Variants in CLPB observed in about 807,000 individuals in gnomAD.
CLPB encodes the protein ClpB family mitochondrial disaggregase, also known as mitochondrial disaggregase.
Under a neutral mutation model 78.4 loss-of-function variants are expected in CLPB, and 40 were observed. The ratio of observed to expected loss-of-function variants is 0.51; its 90% CI spans 0.40 to 0.66. The LOEUF is 0.66. CLPB is among the 30% of genes least tolerant of loss of function. The probability of loss-of-function intolerance (pLI) is 0.00; values close to 1 mark genes in which losing one functional copy is unlikely to be tolerated. For synonymous variants in CLPB, 333 were observed against 348.0 expected, an observed-to-expected ratio of 0.96 and a Z score of 0.48; for missense variants, 780 against 886.9, an observed-to-expected ratio of 0.88 and a Z score of 1.53.
At chr11:72,365,443 A>G (rs1212308621) in intron 4 of CLPB, among the ~76,000 whole-genome samples, 1 of 152,250 alleles carries the variant, frequency 6.6e-6, no homozygotes, top group Non-Finnish European at 1.5e-5. Context: ...AGAGTGACTG[A>G]TAATGAATAC....
At chr11:72,367,186 T>C (rs1431903649) in intron 4 of CLPB, among the ~76,000 whole-genome samples, 1 of 152,172 alleles carries the variant, frequency 6.6e-6, no homozygotes, top group Non-Finnish European at 1.5e-5. Flanking sequence ...TTTTTTGAGA[T>C]GGAGTCTCTC....
At chr11:72,304,076 A>G (rs903781232) in intron 9 of CLPB, 5 of 152,214 alleles carry the variant, frequency 3.3e-5, no homozygotes, top group Admixed American at 2.0e-4. Context: ...TCTCGTGCTT[A>G]CTTATGTCAA....
rs150711195 is a variant in CLPB at position 72,416,191 on chromosome 11, T to C, written c.456-13139A>G. ...ACTGTTTTCTACTACTAATTACAAA[T>C]TGTCTTTACTTACATTACTCCAACT... On this transcript the variant is annotated intron_variant, in intron 2 of 15. Coordinates refer to ENST00000538039, the MANE Select transcript of CLPB (RefSeq NM_001258392.3). Among the ~76,000 whole-genome samples the C allele has an allele frequency of 5.3e-5, 8 of 152,286 alleles. No individual in the cohort carries two copies. In the East Asian group the frequency reaches 1.4e-3, roughly 26 times the overall value.
In CLPB at chr11:72,329,799, T is replaced by C; in HGVS notation, c.781A>G (p.Asn261Asp). 1 of 1,613,116 alleles carries C rather than the reference T, an allele frequency of 6.2e-7. No individual in the cohort carries two copies. Among genetic ancestry groups the C allele is most frequent in the Non-Finnish European group, 8.5e-7 (1 of 1,179,284 alleles). ...TVKELLDGGANPLQRNEMGHT... is the reference protein window; with the variant it reads ...TVKELLDGGADPLQRNEMGHT... ...CCCATTTCATTCCTCTGCAGGGGGT[T>C]GGCTCCTGGCAAGAGAAGAAGGATA... Residue 261 changes from asparagine to aspartate, a missense_variant, in exon 6 of 16, where the codon AAC becomes GAC. Coordinates refer to ENST00000538039, the MANE Select transcript of CLPB (RefSeq NM_001258392.3).
intron 2 of CLPB, among the ~76,000 whole-genome samples, chr11:72,407,762 T>C (rs1855751748): frequency 6.6e-6 from 1 of 151,908 alleles, no homozygotes; most frequent in African/African-American, 2.4e-5. Flanking sequence ...TTCTCCTGCC[T>C]CAGCCTCCCA....
At position 72,292,929 on chromosome 11, in the gene CLPB, C is replaced by A. The variant is rs1949476136; in HGVS notation, c.*438G>T. The stretch of plus-strand genomic sequence containing the variant: ...ACTCCCAGTGGAGCCATTCTGGGGA[C>A]TGAGTTGCATGAGGACTAGCAGAGG... On this transcript the variant is annotated 3_prime_UTR_variant, in exon 16 of 16. Transcript: ENST00000538039. The A allele has an allele frequency of 6.2e-6, 1 of 161,110 alleles. No homozygotes were observed. 10.0% of individuals were successfully genotyped at this position (161,110 alleles called of 1,614,324 possible).
intron 5 of CLPB, chr11:72,354,436 T>A (rs2135596987): frequency 2.5e-6 from 1 of 398,322 alleles, no homozygotes; most frequent in East Asian, 3.6e-5. Flanking sequence ...TTTAGGAAGA[T>A]GGATCTGCCG....
At chr11:72,366,031 C>T (rs1222695655) in intron 4 of CLPB, among the ~76,000 whole-genome samples, 1 of 152,154 alleles carries the variant, frequency 6.6e-6, no homozygotes, top group Non-Finnish European at 1.5e-5. Context: ...TCAAAAGCAA[C>T]TATGACAAAA....
At chr11:72,373,482 G>A (rs1462294405) in intron 4 of CLPB, among the ~76,000 whole-genome samples, 1 of 152,176 alleles carries the variant, frequency 6.6e-6, no homozygotes, top group Non-Finnish European at 1.5e-5. Flanking sequence ...TCAAGGCACT[G>A]AATGGAATGT....
At chr11:72,302,904 T>C (rs1213859352) in intron 9 of CLPB, 1 of 153,714 alleles carries the variant, frequency 6.5e-6, no homozygotes, top group East Asian at 1.9e-4. Flanking sequence ...TTCTTCAAAA[T>C]GAATATATTT....
At chr11:72,428,992 G>A (rs1199138030) in intron 2 of CLPB, 2 of 152,268 alleles carry the variant, frequency 1.3e-5, no homozygotes, top group African/African-American at 4.8e-5. Context: ...AAAGGGGAAA[G>A]TCGCAGCCCG....
At chr11:72,379,165 G>A (rs889606040) in intron 4 of CLPB, among the ~76,000 whole-genome samples, 2 of 152,204 alleles carry the variant, frequency 1.3e-5, no homozygotes, top group Admixed American at 6.5e-5. Context: ...CGTCAGTCTG[G>A]CAGCCTTACA....
At chr11:72,367,312 T>A (rs1252319432) in intron 4 of CLPB, among the ~76,000 whole-genome samples, 1 of 152,126 alleles carries the variant, frequency 6.6e-6, no homozygotes, top group African/African-American at 2.4e-5. Context: ...TACAGGCGCG[T>A]GCCACCACAC....
chr11:72,293,741 G>T, intron 15 of CLPB, 126 bp from the exon 16 acceptor site: 1 of 1,183,458 alleles, frequency 8.4e-7, no homozygotes. Context: ...TTTCTCATTT[G>T]CCAATTGGGG....
At chr11:72,423,152 T>A (rs189497454) in intron 2 of CLPB, among the ~76,000 whole-genome samples, 9 of 152,270 alleles carry the variant, frequency 5.9e-5, no homozygotes, top group South Asian at 4.1e-4. Flanking sequence ...ATCTCCTAAA[T>A]GATAATTTAA....
intron 3 of CLPB, among the ~76,000 whole-genome samples, chr11:72,387,990 T>C (rs1240911223): frequency 6.6e-6 from 1 of 152,142 alleles, no homozygotes; most frequent in Non-Finnish European, 1.5e-5. Context: ...CCTGGGCCTC[T>C]CCAGGTTCAT....
Position 72,358,703 on chromosome 11 carries a change from G to C in CLPB, c.775+177C>G, listed in dbSNP as rs143353276. Reference sequence around the variant, plus strand: ...TGTCAGCAGGCAAAGCTGCTCTCGAGGCATCTCTAGCTCTAGGAGGATAAC... The same window carrying C: ...TGTCAGCAGGCAAAGCTGCTCTCGACGCATCTCTAGCTCTAGGAGGATAAC... On this transcript the variant is annotated intron_variant, in intron 5 of 15. Transcript: ENST00000538039. Among the ~76,000 whole-genome samples, 343 of 152,232 alleles carry C rather than the reference G, an allele frequency of 2.3e-3. 1 individual carries two copies. Among genetic ancestry groups the C allele is most frequent in the African/African-American group, 7.6e-3 (316 of 41,522 alleles).
At chr11:72,387,563 C>T (rs1440743943) in intron 3 of CLPB, among the ~76,000 whole-genome samples, 1 of 152,072 alleles carries the variant, frequency 6.6e-6, no homozygotes, top group Non-Finnish European at 1.5e-5. Context: ...CCAGTGACTA[C>T]ACCTCTGGGC....
At chr11:72,393,632 A>G (rs1006702964) in intron 3 of CLPB, among the ~76,000 whole-genome samples, 1 of 152,124 alleles carries the variant, frequency 6.6e-6, no homozygotes, top group Non-Finnish European at 1.5e-5. Flanking sequence ...TGCCTTGACT[A>G]TTTCCATCTC....
Sources: allele counts gnomAD v4.1 joint callset (sites outside exome capture counted in the v4.1 genomes callset), GRCh38; gene constraint gnomAD v4.1.1; transcripts MANE v1.5; gene names NCBI Gene and HGNC (gene_info 2026-07-23, HGNC 2026-07-21).